Variants in TCF7L2 observed in about 807,000 individuals in gnomAD.
TCF7L2 encodes the protein transcription factor 7 like 2.
Under a neutral mutation model 77.9 loss-of-function variants are expected in TCF7L2, and 23 were observed. The ratio of observed to expected loss-of-function variants is 0.30; its 90% CI spans 0.21 to 0.42. The LOEUF is 0.42. TCF7L2 is among the 10% of genes least tolerant of loss of function. TCF7L2 has a pLI of 1.00. For missense variants in TCF7L2, 654 were observed against 793.1 expected (o/e 0.82, Z 2.11); for synonymous variants, 413 against 340.2 (o/e 1.21, Z -2.36).
At chr10:113,162,086 C>T (rs1332694046) in intron 13 of TCF7L2, among the ~76,000 whole-genome samples, 3 of 152,172 alleles carry the variant, frequency 2.0e-5, no homozygotes, top group Admixed American at 6.5e-5. Context: ...CCAGGGAGGG[C>T]AGGGACTCTG....
chr10:112,950,321 C>A lies in TCF7L2; in HGVS notation c.-436C>A, dbSNP rs1589554643. The A allele has an allele frequency of 4.2e-6, 1 of 237,058 alleles. No individual in the cohort carries two copies. Among genetic ancestry groups the A allele is most frequent in the East Asian group, 6.3e-5 (1 of 15,860 alleles). 14.7% of individuals were successfully genotyped at this position (237,058 alleles called of 1,614,324 possible). ...CCCTTTTTCTATCTGTCAATCAGCG[C>A]CGCCTTTGAACTGAAAAGCTCTCAG... On this transcript the variant is annotated 5_prime_UTR_variant, in exon 1 of 14. Transcript: ENST00000627217.
chr10:112,956,920 GC>G (rs958262951), intron 3 of TCF7L2, among the ~76,000 whole-genome samples: 1 of 152,076 alleles, frequency 6.6e-6, no homozygotes, highest in African/African-American at 2.4e-5. Flanking sequence ...TGCAAATGCT[GC>G]CCTCCCTTCT....
At position 113,166,147 on chromosome 10, in the gene TCF7L2, C is replaced by G; in HGVS notation, c.*175C>G. On this transcript the variant is annotated 3_prime_UTR_variant, in exon 14 of 14. Coordinates refer to ENST00000627217, the MANE Select transcript of TCF7L2 (RefSeq NM_001146274.2). ...GTCAATATTTGACCCATTCTTATTT[C>G]AATTTCTCCTTTTAAATATGTAGAT... is the stretch of plus-strand genomic sequence containing the variant. 1 of 532,522 alleles carries G rather than the reference C, an allele frequency of 1.9e-6. No homozygotes were observed. Among genetic ancestry groups the G allele is most frequent in the Non-Finnish European group, 2.8e-6 (1 of 351,226 alleles). 33.0% of individuals were successfully genotyped at this position (532,522 alleles called of 1,614,324 possible).
intron 4 of TCF7L2, among the ~76,000 whole-genome samples, chr10:112,977,557 A>G (rs1345704948): frequency 6.6e-6 from 1 of 152,228 alleles, no homozygotes; most frequent in Non-Finnish European, 1.5e-5. Flanking sequence ...CAGAAAATGT[A>G]GCTTGAACTG....
At chr10:113,005,505 A>G (rs978400402) in intron 4 of TCF7L2, among the ~76,000 whole-genome samples, 1 of 151,954 alleles carries the variant, frequency 6.6e-6, no homozygotes, top group Non-Finnish European at 1.5e-5. Flanking sequence ...GCTTTGGGAG[A>G]CACCCTCTCC....
chr10:113,012,969 T>G (rs1281177245), intron 4 of TCF7L2, among the ~76,000 whole-genome samples: 2 of 152,144 alleles, frequency 1.3e-5, no homozygotes, highest in Non-Finnish European at 2.9e-5. Context: ...ATGTGGGGTC[T>G]TCTCGCCTGG....
intron 4 of TCF7L2, among the ~76,000 whole-genome samples, chr10:113,030,763 A>G (rs1564804701): frequency 6.6e-6 from 1 of 152,174 alleles, no homozygotes; most frequent in Non-Finnish European, 1.5e-5. Context: ...GAATTCTTCC[A>G]ATGTCTTCAT....
intron 5 of TCF7L2, among the ~76,000 whole-genome samples, chr10:113,128,082 A>T (rs1187028144): frequency 6.6e-6 from 1 of 152,010 alleles, no homozygotes; most frequent in African/African-American, 2.4e-5. Flanking sequence ...CCGCGTGAAT[A>T]GAGGGAGAGA....
At chr10:113,069,565 C>T (rs2057690719) in intron 5 of TCF7L2, among the ~76,000 whole-genome samples, 1 of 152,144 alleles carries the variant, frequency 6.6e-6, no homozygotes, top group African/African-American at 2.4e-5. Context: ...TTTCTGCTTG[C>T]CTAACCCGTC....
intron 5 of TCF7L2, among the ~76,000 whole-genome samples, chr10:113,097,517 G>T (rs998048590): frequency 6.6e-6 from 1 of 151,586 alleles, no homozygotes. Context: ...GCCAGACATG[G>T]TGGCAGGCAC....
intron 5 of TCF7L2, among the ~76,000 whole-genome samples, chr10:113,104,736 C>A (rs2062067727): frequency 1.3e-5 from 2 of 152,112 alleles, no homozygotes; most frequent in Admixed American, 1.3e-4. Context: ...AGATCTGTAC[C>A]CACTGCTGTA....
chr10:112,964,714 A>AATGATGATGATG (rs982801293), intron 4 of TCF7L2, 90 bp downstream of exon 4: 6 of 949,420 alleles, frequency 6.3e-6, no homozygotes, highest in Middle Eastern at 2.3e-4. Context: ...CAACTGAGAT[A>AATGATGATGATG]ATGATGATGA....
intron 4 of TCF7L2, among the ~76,000 whole-genome samples, chr10:113,034,689 A>C (rs2050834218): frequency 1.3e-5 from 2 of 152,144 alleles, no homozygotes; most frequent in Admixed American, 6.5e-5. Context: ...TGAGGTCAGG[A>C]GTTTGAGACC....
intron 4 of TCF7L2, among the ~76,000 whole-genome samples, chr10:112,969,693 T>C (rs1047297246): frequency 1.3e-5 from 2 of 152,222 alleles, no homozygotes; most frequent in Non-Finnish European, 2.9e-5. Context: ...CAAGCTCCGG[T>C]GCAGGCCCCT....
chr10:113,152,490 C>A (rs1329058381), intron 11 of TCF7L2, 50 bp downstream of exon 11: 8 of 1,478,240 alleles, frequency 5.4e-6, no homozygotes, highest in Non-Finnish European at 6.5e-6. Context: ...CTGTGTTGTG[C>A]GTCTATACGG....
At chr10:112,965,625 GT>G (rs1564720827) in intron 4 of TCF7L2, among the ~76,000 whole-genome samples, 9 of 93,762 alleles carry the variant, frequency 9.6e-5, no homozygotes, top group African/African-American at 3.1e-4. Flanking sequence ...CTGTGTGTGT[GT>G]ATATGTGTGT....
intron 4 of TCF7L2, among the ~76,000 whole-genome samples, chr10:112,968,161 G>A (rs1025513038): frequency 1.3e-5 from 2 of 152,148 alleles, no homozygotes; most frequent in Admixed American, 6.5e-5. Context: ...GACACTAAAT[G>A]TTTTGGGCTT....
chr10:113,015,938 A>G (rs1036044411), intron 4 of TCF7L2, among the ~76,000 whole-genome samples: 4 of 152,352 alleles, frequency 2.6e-5, no homozygotes, highest in Non-Finnish European at 4.4e-5. Context: ...TTACCTGGCA[A>G]GGTTGCGGCT....
intron 4 of TCF7L2, among the ~76,000 whole-genome samples, chr10:112,975,775 G>T (rs990962752): frequency 6.6e-6 from 1 of 152,166 alleles, no homozygotes; most frequent in Non-Finnish European, 1.5e-5. Context: ...AGCCGCCATG[G>T]TCGGCCTGTA....
Sources: gnomAD v4.1 joint callset for allele counts (sites outside exome capture counted in the v4.1 genomes callset) on GRCh38, gnomAD v4.1.1 for gene constraint, MANE v1.5 for transcripts, NCBI Gene and HGNC (gene_info 2026-07-23, HGNC 2026-07-21) for gene names.